Variants in ARHGAP22 observed in about 807,000 individuals in gnomAD.
ARHGAP22 encodes Rho GTPase activating protein 22, also known as rho GTPase-activating protein 22.
Under a neutral mutation model 59.1 loss-of-function variants are expected in ARHGAP22, and 48 were observed. That is an observed-to-expected ratio of 0.81 (90% CI 0.64 to 1.03). The LOEUF is 1.03. Ranked by LOEUF, ARHGAP22 falls within the 50% of genes least tolerant of loss-of-function variation. The probability of loss-of-function intolerance (pLI) is 0.00; values close to 1 mark genes in which losing one functional copy is unlikely to be tolerated. For missense variants in ARHGAP22, 1,015 were observed against 958.7 expected, an observed-to-expected ratio of 1.06 and a Z score of -0.78; for synonymous variants, 445 against 416.4, an observed-to-expected ratio of 1.07 and a Z score of -0.84.
At chr10:48,575,348 G>A (rs1472978758) in intron 2 of ARHGAP22, 5 of 152,142 alleles carry the variant, frequency 3.3e-5, no homozygotes, top group African/African-American at 9.7e-5. Flanking sequence ...TTTATTTTTT[G>A]TTTTTGTTTT....
At chr10:48,609,880 T>TA (rs1216006191), upstream of ARHGAP22, among the ~76,000 whole-genome samples, 25 of 152,322 alleles carry the variant, frequency 1.6e-4, no homozygotes, top group South Asian at 4.1e-4. Context: ...TATGCTGAAT[T>TA]AAAAAAATTC....
At chr10:48,479,538 C>A in intron 4 of ARHGAP22, 98 bp downstream of exon 4, 1 of 1,596,600 alleles carries the variant, frequency 6.3e-7, no homozygotes, top group Non-Finnish European at 8.5e-7. Context: ...CCAGCAAGTC[C>A]TCAGTGAGCA....
intron 2 of ARHGAP22, among the ~76,000 whole-genome samples, chr10:48,578,440 T>C (rs1448924158): frequency 6.6e-6 from 1 of 152,164 alleles, no homozygotes; most frequent in African/African-American, 2.4e-5. Context: ...AGGAGCCAAA[T>C]GTGACTTTTA....
At chr10:48,572,406 G>A (rs2058452976) in intron 2 of ARHGAP22, among the ~76,000 whole-genome samples, 1 of 152,188 alleles carries the variant, frequency 6.6e-6, no homozygotes, top group African/African-American at 2.4e-5. Context: ...ATGGATGTCA[G>A]TAACTTTCTC....
intron 3 of ARHGAP22, among the ~76,000 whole-genome samples, chr10:48,517,134 G>A (rs1182705131): frequency 1.3e-5 from 2 of 152,202 alleles, no homozygotes; most frequent in African/African-American, 2.4e-5. Flanking sequence ...TCTTTCCGGG[G>A]TGATGACAAT....
At chr10:48,644,788 C>T (rs940942727) in intron 1 of ARHGAP22, among the ~76,000 whole-genome samples, 5 of 152,066 alleles carry the variant, frequency 3.3e-5, no homozygotes, top group African/African-American at 1.2e-4. Context: ...ATAGGGAAAT[C>T]TATAGCTTTA....
At chr10:48,502,184 TC>T in intron 3 of ARHGAP22, among the ~76,000 whole-genome samples, 2 of 152,322 alleles carry the variant, frequency 1.3e-5, no homozygotes, top group Admixed American at 1.3e-4. Context: ...GAGTTTCACT[TC>T]TTAAAACCAG....
At chr10:48,649,051 G>A (rs1369534345) in intron 1 of ARHGAP22, among the ~76,000 whole-genome samples, 1 of 152,138 alleles carries the variant, frequency 6.6e-6, no homozygotes, top group African/African-American at 2.4e-5. Context: ...CTCTCGCCCC[G>A]CTGCCATGCA....
At chr10:48,605,978 G>A (rs568763445), upstream of ARHGAP22, among the ~76,000 whole-genome samples, 4 of 152,284 alleles carry the variant, frequency 2.6e-5, no homozygotes, top group East Asian at 1.9e-4. Flanking sequence ...CATGGTAACA[G>A]CTCCTGGCTT....
chr10:48,612,165 T>C (rs2060920650), intron 1 of ARHGAP22, among the ~76,000 whole-genome samples: 1 of 152,088 alleles, frequency 6.6e-6, no homozygotes, highest in African/African-American at 2.4e-5. Flanking sequence ...TTTTGCATCT[T>C]TAATCCCTCC....
intron 1 of ARHGAP22, among the ~76,000 whole-genome samples, chr10:48,583,639 T>A (rs776462779): frequency 6.6e-6 from 1 of 152,228 alleles, no homozygotes; most frequent in Non-Finnish European, 1.5e-5. Context: ...AACATCTGGA[T>A]CCTCCTGGAG....
chr10:48,644,300 T>C (rs2062196762), intron 1 of ARHGAP22, among the ~76,000 whole-genome samples: 1 of 152,158 alleles, frequency 6.6e-6, no homozygotes, highest in Non-Finnish European at 1.5e-5. Context: ...ACAGACGGTA[T>C]TGAAGAAGAA....
intron 4 of ARHGAP22, among the ~76,000 whole-genome samples, chr10:48,467,804 T>C (rs931059713): frequency 2.6e-5 from 4 of 152,192 alleles, no homozygotes; most frequent in Non-Finnish European, 4.4e-5. Context: ...AGGTGCTTAC[T>C]CTGGGAAAAG....
chr10:48,563,618 G>C (rs531370286), intron 2 of ARHGAP22, among the ~76,000 whole-genome samples: 2 of 152,060 alleles, frequency 1.3e-5, no homozygotes, highest in Non-Finnish European at 2.9e-5. Context: ...CATATCTTTC[G>C]GGGAGCCATT....
At chr10:48,651,636 AC>A (rs1218805376) in intron 1 of ARHGAP22, among the ~76,000 whole-genome samples, 1 of 150,832 alleles carries the variant, frequency 6.6e-6, no homozygotes, top group African/African-American at 2.4e-5. Context: ...TGCACAATCC[AC>A]CCAATCCTCA....
intron 2 of ARHGAP22, among the ~76,000 whole-genome samples, chr10:48,567,234 G>C (rs893807608): frequency 3.9e-5 from 6 of 152,338 alleles, no homozygotes; most frequent in Non-Finnish European, 5.9e-5. Context: ...AAGACCCTGT[G>C]GTTGAGGCTG....
the ARHGAP22 span, chr10:48,431,325 C>T: frequency 5.2e-6 from 6 of 1,155,896 alleles, no homozygotes; most frequent in Non-Finnish European, 7.7e-6. Context: ...GTGTTGTAAT[C>T]TTCAGTGGCC....
At chr10:48,497,792 A>G (rs2051093325) in intron 3 of ARHGAP22, among the ~76,000 whole-genome samples, 1 of 152,142 alleles carries the variant, frequency 6.6e-6, no homozygotes. Context: ...CCAGGGGCTC[A>G]ATAAACGGAC....
At chr10:48,469,013 G>C (rs1388192218) in intron 4 of ARHGAP22, among the ~76,000 whole-genome samples, 1 of 152,200 alleles carries the variant, frequency 6.6e-6, no homozygotes, top group Non-Finnish European at 1.5e-5. Context: ...AAAGAGCAGG[G>C]GCCAAGGGCT....
Sources: gnomAD v4.1 joint callset for allele counts (sites outside exome capture counted in the v4.1 genomes callset) on GRCh38, gnomAD v4.1.1 for gene constraint, MANE v1.5 for transcripts, NCBI Gene and HGNC (gene_info 2026-07-23, HGNC 2026-07-21) for gene names.